ETS1: variants seen among roughly 807,000 people sequenced by gnomAD.
ETS1 encodes the protein protein C-ets-1.
ETS1 carries 15 observed loss-of-function variants against 58.6 expected under a neutral mutation model. That is an observed-to-expected ratio of 0.26 (90% CI 0.17 to 0.39). The LOEUF (loss-of-function observed/expected upper bound fraction) is 0.39. ETS1 is among the 10% of genes least tolerant of loss of function. ETS1 has a pLI of 1.00. For synonymous variants in ETS1, 214 were observed against 218.2 expected, an observed-to-expected ratio of 0.98 and a Z score of 0.17; for missense variants, 417 against 610.5, an observed-to-expected ratio of 0.68 and a Z score of 3.34.
rs765433081 is a variant in ETS1 at position 128,584,938 on chromosome 11, A to AAAAGAAAGAAAGAAAG, written c.-15+2534_-15+2549dup. 1.5e-3 allele frequency among the ~76,000 whole-genome samples: 95 copies of AAAAGAAAGAAAGAAAG among 62,594 alleles called. 19 individuals are homozygous for AAAAGAAAGAAAGAAAG. Among genetic ancestry groups the AAAAGAAAGAAAGAAAG allele is most frequent in the East Asian group, 2.3e-3 (6 of 2,610 alleles). 41.1% of individuals were successfully genotyped at this position (62,594 alleles called of 152,430 possible). On this transcript the variant is annotated intron_variant, in intron 1 of 9. Transcript: ENST00000392668. ...AGAAAGAAAGAGGAAGAAAAAAGAG[A>AAAAGAAAGAAAGAAAG]AAAGAAAGAAAGAAAGAAAGAAAGA...
At chr11:128,475,882 T>TTGTGTATG (rs149499927) in intron 8 of ETS1, among the ~76,000 whole-genome samples, 1 of 149,792 alleles carries the variant, frequency 6.7e-6, no homozygotes, top group East Asian at 2.0e-4. Flanking sequence ...ACTAGTACCT[T>TTGTGTATG]TGTGTGTGTG....
intron 3 of ETS1, among the ~76,000 whole-genome samples, chr11:128,511,783 CT>C (rs1247321848): frequency 6.6e-6 from 1 of 152,204 alleles, no homozygotes; most frequent in Non-Finnish European, 1.5e-5. Context: ...ATCCATGTGG[CT>C]GAACTCAAAT....
chr11:128,486,233 T>A lies in ETS1; in HGVS notation c.536-87A>T, dbSNP rs1268352817. ...AGGATCTTGGATGCAAAGACCACAA[T>A]GATCTCAACCCCTTTTCTAAGAAAT... On this transcript the variant is annotated intron_variant, in intron 5 of 9. Transcript: ENST00000392668. The A allele has an allele frequency of 8.7e-6, 7 of 800,790 alleles. No homozygotes were observed. In the South Asian group the frequency reaches 1.1e-4, roughly 12 times the overall value. The allele number at this position is 800,790 out of a possible 1,614,324, so 49.6% of individuals were successfully genotyped here.
intron 7 of ETS1, among the ~76,000 whole-genome samples, chr11:128,480,785 G>A (rs893817882): frequency 1.3e-5 from 2 of 152,114 alleles, no homozygotes; most frequent in African/African-American, 4.8e-5. Context: ...TAGAAGCTGA[G>A]GATCACACAT....
At chr11:128,510,793 T>C (rs75195064) in intron 3 of ETS1, among the ~76,000 whole-genome samples, 2,777 of 152,262 alleles carry the variant, frequency 0.018, 77 homozygotes, top group African/African-American at 0.06. Flanking sequence ...AAGGTTTACA[T>C]CCACTCCCAA....
At chr11:128,496,723 G>A (rs1303468447) in intron 3 of ETS1, among the ~76,000 whole-genome samples, 2 of 152,190 alleles carry the variant, frequency 1.3e-5, no homozygotes, top group Non-Finnish European at 2.9e-5. Flanking sequence ...TAAAGGCAGG[G>A]TTGAAGTAGA....
intron 2 of ETS1, among the ~76,000 whole-genome samples, chr11:128,563,705 G>C (rs902737624): frequency 6.6e-6 from 1 of 152,188 alleles, no homozygotes; most frequent in Non-Finnish European, 1.5e-5. Flanking sequence ...ATGTGCCCTT[G>C]AACTGCATGA....
At chr11:128,572,514 A>G (rs2135580782) in intron 2 of ETS1, among the ~76,000 whole-genome samples, 1 of 152,350 alleles carries the variant, frequency 6.6e-6, no homozygotes, top group South Asian at 2.1e-4. Context: ...ATCAGCATAT[A>G]GCTTGGGCAA....
At chr11:128,514,197 T>C (rs1258778099) in intron 3 of ETS1, among the ~76,000 whole-genome samples, 1 of 151,870 alleles carries the variant, frequency 6.6e-6, no homozygotes, top group Non-Finnish European at 1.5e-5. Context: ...CTTATTCTGA[T>C]AAACTGATAC....
chr11:128,482,570 C>T (rs1193914319), intron 7 of ETS1, among the ~76,000 whole-genome samples: 2 of 152,156 alleles, frequency 1.3e-5, no homozygotes, highest in African/African-American at 4.8e-5. Flanking sequence ...CTCTGGCAAC[C>T]CCCCAAACAT....
intron 5 of ETS1, among the ~76,000 whole-genome samples, chr11:128,486,564 T>C (rs1290886226): frequency 6.6e-6 from 1 of 152,244 alleles, no homozygotes; most frequent in African/African-American, 2.4e-5. Context: ...AAAAATATAT[T>C]GCAGTCTTTA....
At chr11:128,554,212 A>G (rs1864279207) in intron 3 of ETS1, among the ~76,000 whole-genome samples, 1 of 152,200 alleles carries the variant, frequency 6.6e-6, no homozygotes, top group South Asian at 2.1e-4. Context: ...CAGAGGGAGT[A>G]TAGGACAGTG....
At position 128,461,889 on chromosome 11, in the gene ETS1, TC is replaced by T. The variant is rs927708752; in HGVS notation, c.*471del. 62 of 153,712 alleles carry T rather than the reference TC, an allele frequency of 4.0e-4. No individual in the cohort carries two copies. The highest frequency in any genetic ancestry group is 7.2e-4 in the Non-Finnish European group (50 of 69,158). 9.5% of individuals were successfully genotyped at this position (153,712 alleles called of 1,614,324 possible). On this transcript the variant is annotated 3_prime_UTR_variant, in exon 10 of 10. Transcript: ENST00000392668. ...AAATAGTTCTCAGATTTTCAGTGCA[TC>T]CCCCCCCAAAACATGTTTCATCCCA... is the stretch of plus-strand genomic sequence containing the variant.
At chr11:128,564,741 G>A (rs1355833267) in intron 2 of ETS1, among the ~76,000 whole-genome samples, 1 of 152,090 alleles carries the variant, frequency 6.6e-6, no homozygotes, top group Admixed American at 6.5e-5. Flanking sequence ...TTAGCATGAA[G>A]CCTTCAGAAG....
chr11:128,502,433 C>T (rs1224001981), intron 3 of ETS1, among the ~76,000 whole-genome samples: 2 of 152,154 alleles, frequency 1.3e-5, no homozygotes, highest in East Asian at 1.9e-4. Flanking sequence ...AATAACCAAT[C>T]GATGGAGGTC....
intron 8 of ETS1, among the ~76,000 whole-genome samples, chr11:128,479,459 T>C (rs1025038354): frequency 5.9e-5 from 9 of 152,244 alleles, no homozygotes; most frequent in African/African-American, 2.2e-4. Context: ...CTCCACATGT[T>C]TTTCTGGTTA....
intron 3 of ETS1, chr11:128,527,545 A>G (rs1863822622): frequency 6.5e-6 from 1 of 153,608 alleles, no homozygotes; most frequent in Admixed American, 6.4e-5. Flanking sequence ...CTACTCTGTG[A>G]GCCTTTGGGG....
chr11:128,486,201 G>T, intron 5 of ETS1, 55 bp from the exon 6 acceptor site: 1 of 1,126,230 alleles, frequency 8.9e-7, no homozygotes, highest in Non-Finnish European at 1.3e-6. Flanking sequence ...GTCATGCTTG[G>T]CCTAAAAGGA....
At chr11:128,498,785 G>A (rs892534761) in intron 3 of ETS1, among the ~76,000 whole-genome samples, 3 of 152,142 alleles carry the variant, frequency 2.0e-5, no homozygotes, top group African/African-American at 7.2e-5. Context: ...CACCTCCATA[G>A]GGTACATTAA....
Sources: allele counts gnomAD v4.1 joint callset (sites outside exome capture counted in the v4.1 genomes callset), GRCh38; gene constraint gnomAD v4.1.1; transcripts MANE v1.5; gene names NCBI Gene and HGNC (gene_info 2026-07-23, HGNC 2026-07-21).